MMP26: variants seen among roughly 807,000 people sequenced by gnomAD.
The protein encoded by MMP26 is matrix metalloproteinase-26.
MMP26 carries 33 observed loss-of-function variants against 31.0 expected under a neutral mutation model. The observed-to-expected ratio is 1.06, with a 90% CI of 0.81 to 1.42. MMP26 has a LOEUF of 1.42. Ranked by LOEUF, MMP26 falls within the 40% of genes most tolerant of loss-of-function variation. The pLI, the probability that MMP26 is intolerant of heterozygous loss-of-function variation, is 0.00. For missense variants in MMP26, 347 were observed against 316.1 expected (o/e 1.10, Z -0.74); for synonymous variants, 122 against 114.9 (o/e 1.06, Z -0.40).
intron 2 of MMP26, among the ~76,000 whole-genome samples, chr11:4,784,632 A>G (rs556948862): frequency 6.6e-6 from 1 of 152,176 alleles, no homozygotes; most frequent in Non-Finnish European, 1.5e-5. Context: ...TAGGCAAGGA[A>G]ACATTCTCTG....
chr11:4,864,364 A>G (rs967328111), intron 2 of MMP26, among the ~76,000 whole-genome samples: 3 of 152,164 alleles, frequency 2.0e-5, no homozygotes, highest in African/African-American at 7.2e-5. Flanking sequence ...TAAACTGTTC[A>G]CAGACCCTTT....
At chr11:4,914,763 T>A (rs908397320) in intron 2 of MMP26, 32 of 1,613,836 alleles carry the variant, frequency 2.0e-5, no homozygotes, top group Non-Finnish European at 2.7e-5. Flanking sequence ...ATCTGTTTGG[T>A]CTTCACACTG....
intron 2 of MMP26, among the ~76,000 whole-genome samples, chr11:4,796,908 G>A (rs943423964): frequency 1.3e-5 from 2 of 152,012 alleles, no homozygotes; most frequent in African/African-American, 2.4e-5. Context: ...GCCATTGTCA[G>A]TGAGTTCATA....
At chr11:4,720,724 G>A (rs7933187) in intron 1 of MMP26, among the ~76,000 whole-genome samples, 48,652 of 151,984 alleles carry the variant, frequency 0.32, 8,903 homozygotes, top group African/African-American at 0.5. Context: ...TGCTCTTTTG[G>A]TTCTGGTACC....
chr11:4,794,205 A>T (rs1329682817), intron 2 of MMP26: 1 of 152,278 alleles, frequency 6.6e-6, no homozygotes. Context: ...GCTGAGGCAG[A>T]AGGGCATCTA....
chr11:4,716,567 G>T (rs1285945979), intron 1 of MMP26, among the ~76,000 whole-genome samples: 2 of 139,396 alleles, frequency 1.4e-5, no homozygotes, highest in Non-Finnish European at 3.1e-5. Flanking sequence ...TAAATTGCAT[G>T]TTTATATAGA....
At chr11:4,966,656 A>G (rs1287290815) in intron 2 of MMP26, among the ~76,000 whole-genome samples, 1 of 152,170 alleles carries the variant, frequency 6.6e-6, no homozygotes, top group Non-Finnish European at 1.5e-5. Flanking sequence ...ATTCTTCTTT[A>G]GTGTGAACAA....
intron 2 of MMP26, among the ~76,000 whole-genome samples, chr11:4,856,987 A>T (rs1836122226): frequency 6.6e-6 from 1 of 152,238 alleles, no homozygotes; most frequent in South Asian, 2.1e-4. Flanking sequence ...GTACATAACA[A>T]AATGAAGGCA....
chr11:4,827,075 C>T (rs1006683931), intron 2 of MMP26, among the ~76,000 whole-genome samples: 1 of 152,102 alleles, frequency 6.6e-6, no homozygotes, highest in Non-Finnish European at 1.5e-5. Context: ...TGGCACGCGC[C>T]TAGGTTGAGA....
At chr11:4,971,563 T>C (rs1464526513) in intron 2 of MMP26, among the ~76,000 whole-genome samples, 2 of 152,076 alleles carry the variant, frequency 1.3e-5, no homozygotes, top group African/African-American at 2.4e-5. Flanking sequence ...TAAGAATGTA[T>C]GGAAAAGGAG....
chr11:4,966,520 A>G (rs1846597299), intron 2 of MMP26, among the ~76,000 whole-genome samples: 1 of 152,176 alleles, frequency 6.6e-6, no homozygotes, highest in African/African-American at 2.4e-5. Flanking sequence ...ATTGAACAAT[A>G]CAGAGATAAA....
intron 2 of MMP26, among the ~76,000 whole-genome samples, chr11:4,861,408 A>G (rs1204086090): frequency 3.3e-5 from 5 of 151,104 alleles, no homozygotes; most frequent in Admixed American, 2.0e-4. Flanking sequence ...TAAATGTATT[A>G]GGTTGGTGCA....
chr11:4,768,830 A>G, intron 2 of MMP26: 1 of 469,774 alleles, frequency 2.1e-6, no homozygotes, highest in African/African-American at 1.9e-5. Context: ...CTTATATTTT[A>G]TGACCAAATA....
Position 4,923,564 on chromosome 11 carries a change from C to T in MMP26, c.-144-64504C>T, listed in dbSNP as rs141068486. Reference sequence around the variant, plus strand: ...ACCAAAGCGATGCACAAGAGACAAGCCAATCATGGGGATGTAGAAGAGCAG... The same window carrying T: ...ACCAAAGCGATGCACAAGAGACAAGTCAATCATGGGGATGTAGAAGAGCAG... On this transcript the variant is annotated intron_variant, in intron 2 of 7. Transcript: ENST00000380390. 11 of 1,613,846 alleles carry T rather than the reference C, an allele frequency of 6.8e-6. No individual in the cohort carries two copies. The Admixed American group carries it at 1.8e-4, about 27-fold the overall frequency.
At chr11:4,814,280 C>T (rs1252795928) in intron 2 of MMP26, among the ~76,000 whole-genome samples, 1 of 152,026 alleles carries the variant, frequency 6.6e-6, no homozygotes, top group Admixed American at 6.6e-5. Context: ...ATACATCCAC[C>T]AAAAACGTCT....
intron 1 of MMP26, among the ~76,000 whole-genome samples, chr11:4,747,566 C>T (rs76738269): frequency 0.048 from 7,249 of 152,036 alleles, 542 homozygotes; most frequent in African/African-American, 0.17. Flanking sequence ...AAATATATTT[C>T]ATTAATGAGA....
In MMP26 at chr11:4,940,589, C is replaced by T. The variant is rs573644769; in HGVS notation, c.-144-47479C>T. 3.3e-5 allele frequency among the ~76,000 whole-genome samples: 5 copies of T among 152,232 alleles called. No homozygotes were observed. In the East Asian group the frequency reaches 9.7e-4, roughly 29 times the overall value. ...TAAGCTCCTCTTTTATGCTTGTAGGCACTGTTTTATGAAGCTCTAAGAGCC... is the reference window on the plus strand; with the variant it reads ...TAAGCTCCTCTTTTATGCTTGTAGGTACTGTTTTATGAAGCTCTAAGAGCC... On this transcript the variant is annotated intron_variant, in intron 2 of 7. Transcript: ENST00000380390.
At chr11:4,852,263 T>G (rs1169231454) in intron 2 of MMP26, among the ~76,000 whole-genome samples, 2 of 152,008 alleles carry the variant, frequency 1.3e-5, no homozygotes, top group East Asian at 1.9e-4. Flanking sequence ...GTTGAAGATT[T>G]TAATATCCCA....
At chr11:4,838,314 CTAAAAAAAAAAAAA>C in intron 2 of MMP26, among the ~76,000 whole-genome samples, 1 of 31,336 alleles carries the variant, frequency 3.2e-5, no homozygotes, top group Non-Finnish European at 6.4e-5. Context: ...AAGACTCTGT[CTAAAAAAAAAAAAA>C]AAAAAAAAAA....
Sources: allele counts gnomAD v4.1 joint callset (sites outside exome capture counted in the v4.1 genomes callset), GRCh38; gene constraint gnomAD v4.1.1; transcripts MANE v1.5; gene names NCBI Gene and HGNC (gene_info 2026-07-23, HGNC 2026-07-21).